Variants in ZHX2 observed in about 807,000 individuals in gnomAD.
The protein encoded by ZHX2 is zinc fingers and homeoboxes 2, also known as zinc fingers and homeoboxes protein 2.
Under a neutral mutation model 21.9 loss-of-function variants are expected in ZHX2, and 6 were observed. The observed-to-expected ratio is 0.27, with a 90% CI of 0.15 to 0.54. The LOEUF is 0.54. Among genes scored for constraint, ZHX2 ranks in the 20% least tolerant of loss-of-function variants. The pLI is 0.95. For missense variants in ZHX2, 908 were observed against 1,090.7 expected (o/e 0.83, Z 2.36); for synonymous variants, 434 against 437.1 (o/e 0.99, Z 0.09).
intron 1 of ZHX2, among the ~76,000 whole-genome samples, chr8:122,799,980 C>T (rs1394648376): frequency 6.6e-6 from 1 of 152,130 alleles, no homozygotes; most frequent in African/African-American, 2.4e-5. Context: ...GCCTCAGCCT[C>T]CCGAGTAGCT....
chr8:122,833,879 C>T (rs1032252392), intron 1 of ZHX2, among the ~76,000 whole-genome samples: 10 of 152,126 alleles, frequency 6.6e-5, no homozygotes, highest in Middle Eastern at 3.4e-3. Flanking sequence ...CGCCTGTAGT[C>T]CCAGCTACTC....
chr8:122,927,234 C>T (rs1464416552), intron 2 of ZHX2, among the ~76,000 whole-genome samples: 1 of 152,184 alleles, frequency 6.6e-6, no homozygotes, highest in African/African-American at 2.4e-5. Flanking sequence ...GTGACTCATG[C>T]CTGTAATCCC....
intron 2 of ZHX2, among the ~76,000 whole-genome samples, chr8:122,922,527 C>T (rs1037992690): frequency 6.6e-6 from 1 of 152,164 alleles, no homozygotes; most frequent in African/African-American, 2.4e-5. Flanking sequence ...TGGCTGGAAC[C>T]TTCAATGTTT....
At chr8:122,811,027 C>T (rs943485195) in intron 1 of ZHX2, among the ~76,000 whole-genome samples, 1 of 152,118 alleles carries the variant, frequency 6.6e-6, no homozygotes, top group Non-Finnish European at 1.5e-5. Flanking sequence ...AGCCCTGTTA[C>T]CTGACCAGGT....
chr8:122,963,527 T>G (rs529390414), intron 3 of ZHX2, among the ~76,000 whole-genome samples: 3 of 152,332 alleles, frequency 2.0e-5, no homozygotes, highest in Non-Finnish European at 4.4e-5. Flanking sequence ...AACTATAGCC[T>G]TGTAATATAG....
intron 1 of ZHX2, among the ~76,000 whole-genome samples, chr8:122,820,597 G>A (rs902933423): frequency 6.6e-6 from 1 of 152,194 alleles, no homozygotes; most frequent in Non-Finnish European, 1.5e-5. Flanking sequence ...CTCAGCTGCT[G>A]TCTTGGGATT....
At chr8:122,903,602 C>T (rs1820280667) in intron 2 of ZHX2, among the ~76,000 whole-genome samples, 1 of 152,150 alleles carries the variant, frequency 6.6e-6, no homozygotes, top group Non-Finnish European at 1.5e-5. Flanking sequence ...GTGAAAAGAA[C>T]ACAGAGGCTA....
chr8:122,910,646 G>A (rs923163169), intron 2 of ZHX2, among the ~76,000 whole-genome samples: 1 of 152,076 alleles, frequency 6.6e-6, no homozygotes, highest in African/African-American at 2.4e-5. Flanking sequence ...CCTCAGGCAC[G>A]GGGTTACTGG....
At chr8:122,881,132 G>T (rs373597724) in intron 2 of ZHX2, among the ~76,000 whole-genome samples, 3 of 132,906 alleles carry the variant, frequency 2.3e-5, no homozygotes, top group East Asian at 3.8e-4. Context: ...GAATGTGAGC[G>T]TGGCTGCAGG....
chr8:122,957,809 G>C (rs1440816446), intron 3 of ZHX2, among the ~76,000 whole-genome samples: 1 of 152,038 alleles, frequency 6.6e-6, no homozygotes, highest in Non-Finnish European at 1.5e-5. Context: ...GCTGCCTTCT[G>C]CACTAGGGGT....
intron 2 of ZHX2, among the ~76,000 whole-genome samples, chr8:122,891,795 T>A (rs941595050): frequency 6.6e-6 from 1 of 152,188 alleles, no homozygotes; most frequent in East Asian, 1.9e-4. Context: ...ATACTTGATA[T>A]GATTTTGATT....
chr8:122,904,046 G>A (rs1243599891), intron 2 of ZHX2, among the ~76,000 whole-genome samples: 3 of 152,118 alleles, frequency 2.0e-5, no homozygotes, highest in Non-Finnish European at 4.4e-5. Context: ...ATGACGTGGT[G>A]GTGAGTTCTC....
Position 122,951,841 on chromosome 8 carries a change from G to C in ZHX2, c.331G>C (p.Val111Leu). The stretch of plus-strand genomic sequence containing the variant: ...CAACGTGATTCTCAACCCCCTCTAC[G>C]TGTGTGCAGAATGTAACTTCACAAC... ...HPNVILNPLY[V>L]CAECNFTTKK... The change falls in exon 3 of 4, where the codon GTG becomes CTG. Residue 111 changes from valine (V) to leucine (L), a missense_variant. Val to Leu is a conservative substitution (Grantham distance 32, BLOSUM62 1). Coordinates refer to ENST00000314393, the MANE Select transcript of ZHX2 (RefSeq NM_014943.5). 1 of 1,614,098 alleles carries C rather than the reference G, an allele frequency of 6.2e-7. No individual in the cohort carries two copies. Among genetic ancestry groups the C allele is most frequent in the African/African-American group, 1.3e-5 (1 of 75,000 alleles).
intron 1 of ZHX2, among the ~76,000 whole-genome samples, chr8:122,853,827 T>TA (rs1198492341): frequency 3.3e-5 from 5 of 151,978 alleles, no homozygotes; most frequent in Non-Finnish European, 7.4e-5. Context: ...CCAACAAAGT[T>TA]ACAGACACCT....
intron 2 of ZHX2, among the ~76,000 whole-genome samples, chr8:122,885,939 A>G (rs1480091630): frequency 6.6e-6 from 1 of 152,118 alleles, no homozygotes; most frequent in East Asian, 1.9e-4. Context: ...TATGTTTGGG[A>G]GGCATTCATG....
chr8:122,857,254 A>G lies in ZHX2; in HGVS notation c.-282-6223A>G, dbSNP rs560789298. Among the ~76,000 whole-genome samples the G allele has an allele frequency of 1.4e-4, 22 of 152,110 alleles. No homozygotes were observed. In the South Asian group the frequency reaches 4.6e-3, roughly 32 times the overall value. On this transcript the variant is annotated intron_variant, in intron 1 of 3. Coordinates refer to ENST00000314393, the MANE Select transcript of ZHX2 (RefSeq NM_014943.5). Reference sequence around the variant, plus strand: ...AGGCCAGGGTTCACCTAATCTCCCCATAGCCTGGCCCCTAGTCAAAGCCCC... The same window carrying G: ...AGGCCAGGGTTCACCTAATCTCCCCGTAGCCTGGCCCCTAGTCAAAGCCCC...
chr8:122,944,229 C>T (rs1812914285), intron 2 of ZHX2, among the ~76,000 whole-genome samples: 1 of 152,282 alleles, frequency 6.6e-6, no homozygotes, highest in South Asian at 2.1e-4. Flanking sequence ...GCTGTGTGAC[C>T]TTAGGTGAGA....
chr8:122,974,123 T>C lies in ZHX2; in HGVS notation c.*886T>C, dbSNP rs1213987593. 1 of 152,554 alleles carries C rather than the reference T, an allele frequency of 6.6e-6. No individual in the cohort carries two copies. Among genetic ancestry groups the C allele is most frequent in the East Asian group, 1.9e-4 (1 of 5,186 alleles). 9.5% of individuals were successfully genotyped at this position (152,554 alleles called of 1,614,324 possible). A position where few individuals can be genotyped will look rare whatever the true frequency, so the allele number is the denominator to read the frequency against. ...AAACAACAACAATAAGATCTTCCTA[T>C]CTGGAGGGTACAGAGGTGAATGGCT... is the stretch of plus-strand genomic sequence containing the variant. On this transcript the variant is annotated 3_prime_UTR_variant, in exon 4 of 4. Coordinates refer to ENST00000314393, the MANE Select transcript of ZHX2 (RefSeq NM_014943.5).
chr8:122,956,193 T>C (rs1170362487), intron 3 of ZHX2, among the ~76,000 whole-genome samples: 1 of 152,070 alleles, frequency 6.6e-6, no homozygotes, highest in East Asian at 1.9e-4. Context: ...CGTGTCTACA[T>C]GGTTGCTTTT....
Sources: gnomAD v4.1 joint callset for allele counts (sites outside exome capture counted in the v4.1 genomes callset) on GRCh38, gnomAD v4.1.1 for gene constraint, MANE v1.5 for transcripts, NCBI Gene and HGNC (gene_info 2026-07-23, HGNC 2026-07-21) for gene names.